The following ATRNL1 variants were observed in gnomAD, a reference collection of about 807,000 sequenced individuals.
ATRNL1 encodes the protein attractin like 1, also known as attractin-like protein 1.
ATRNL1 carries 95 observed loss-of-function variants against 182.7 expected under a neutral mutation model. The observed-to-expected ratio is 0.52, with a 90% CI of 0.44 to 0.62. ATRNL1 has a LOEUF of 0.62. Ranked by LOEUF, ATRNL1 falls within the 20% of genes least tolerant of loss-of-function variation. ATRNL1 has a pLI of 0.00. For synonymous variants in ATRNL1, 576 were observed against 568.3 expected (o/e 1.01, Z -0.19); for missense variants, 1,471 against 1,679.5 (o/e 0.88, Z 2.17).
At chr10:115,905,248 T>C (rs1952466725) in intron 28 of ATRNL1, among the ~76,000 whole-genome samples, 1 of 151,992 alleles carries the variant, frequency 6.6e-6, no homozygotes, top group African/African-American at 2.4e-5. Flanking sequence ...GAAGACAGGG[T>C]CCTACTCTGT....
At chr10:115,438,119 A>G (rs782812068) in intron 21 of ATRNL1, among the ~76,000 whole-genome samples, 7 of 152,034 alleles carry the variant, frequency 4.6e-5, no homozygotes, top group Non-Finnish European at 8.8e-5. Context: ...CACATATAAA[A>G]TTTCAGAAAC....
chr10:115,730,107 A>C (rs1593136591), intron 27 of ATRNL1, among the ~76,000 whole-genome samples: 1 of 151,924 alleles, frequency 6.6e-6, no homozygotes, highest in East Asian at 1.9e-4. Flanking sequence ...AAATACAAAA[A>C]TTAGCTGGGC....
intron 26 of ATRNL1, among the ~76,000 whole-genome samples, chr10:115,575,627 A>G (rs548526812): frequency 1.3e-5 from 2 of 152,194 alleles, no homozygotes; most frequent in Non-Finnish European, 2.9e-5. Flanking sequence ...GCATTTTTGC[A>G]AATATTCTTT....
intron 19 of ATRNL1, among the ~76,000 whole-genome samples, chr10:115,393,492 C>A (rs1292461666): frequency 6.6e-6 from 1 of 152,034 alleles, no homozygotes; most frequent in Non-Finnish European, 1.5e-5. Context: ...AGGAAAAGAC[C>A]ATATCATTTC....
At chr10:115,553,742 T>G (rs912221649) in intron 26 of ATRNL1, among the ~76,000 whole-genome samples, 27 of 151,560 alleles carry the variant, frequency 1.8e-4, no homozygotes, top group African/African-American at 4.6e-4. Context: ...GTTCTTTCCT[T>G]CTATACCTGT....
At chr10:115,733,886 C>G (rs1429077315) in intron 27 of ATRNL1, among the ~76,000 whole-genome samples, 2 of 151,810 alleles carry the variant, frequency 1.3e-5, no homozygotes, top group South Asian at 4.2e-4. Flanking sequence ...ATTTCATTAT[C>G]CCATTACCCA....
chr10:115,806,868 G>C (rs566176647), intron 27 of ATRNL1, among the ~76,000 whole-genome samples: 1 of 152,148 alleles, frequency 6.6e-6, no homozygotes, highest in South Asian at 2.1e-4. Flanking sequence ...ATAGTACCTG[G>C]TATATACAAA....
At chr10:115,894,005 G>A (rs1180326507) in intron 28 of ATRNL1, among the ~76,000 whole-genome samples, 1 of 152,134 alleles carries the variant, frequency 6.6e-6, no homozygotes, top group African/African-American at 2.4e-5. Context: ...ACTTCTACAG[G>A]ATGAGGAAAG....
At chr10:115,535,309 T>C (rs1554989885) in intron 25 of ATRNL1, among the ~76,000 whole-genome samples, 1 of 152,088 alleles carries the variant, frequency 6.6e-6, no homozygotes, top group African/African-American at 2.4e-5. Flanking sequence ...GTTCGTTTCT[T>C]TTTATTCTTT....
chr10:115,376,229 T>A (rs1274299312), intron 19 of ATRNL1, among the ~76,000 whole-genome samples: 1 of 152,168 alleles, frequency 6.6e-6, no homozygotes, highest in African/African-American at 2.4e-5. Flanking sequence ...CTAATGGAGA[T>A]TCCTTGATAT....
At chr10:115,637,792 T>C (rs1369477899) in intron 26 of ATRNL1, among the ~76,000 whole-genome samples, 4 of 151,662 alleles carry the variant, frequency 2.6e-5, no homozygotes, top group Non-Finnish European at 5.9e-5. Flanking sequence ...ACCCAGCTAG[T>C]TTTTGTTTTG....
chr10:115,374,449 T>C (rs1857557391), intron 19 of ATRNL1, among the ~76,000 whole-genome samples: 1 of 128,264 alleles, frequency 7.8e-6, no homozygotes, highest in Admixed American at 8.0e-5. Flanking sequence ...TTCTCCTTCC[T>C]TCCTTTCCTT....
At chr10:115,588,405 C>A (rs1213014370) in intron 26 of ATRNL1, among the ~76,000 whole-genome samples, 2 of 152,144 alleles carry the variant, frequency 1.3e-5, no homozygotes, top group Non-Finnish European at 2.9e-5. Flanking sequence ...TCCTGAGAGA[C>A]CATAGAATGG....
intron 27 of ATRNL1, among the ~76,000 whole-genome samples, chr10:115,767,478 C>T (rs140047127): frequency 1.3e-5 from 2 of 152,182 alleles, no homozygotes; most frequent in Non-Finnish European, 2.9e-5. Context: ...CTTCAGGTCC[C>T]TTCTTGTGAT....
At chr10:115,597,006 C>T (rs1393393724) in intron 26 of ATRNL1, among the ~76,000 whole-genome samples, 6 of 152,000 alleles carry the variant, frequency 3.9e-5, no homozygotes, top group Non-Finnish European at 7.4e-5. Context: ...AAATCCTTCA[C>T]TGTATTGTTA....
At chr10:115,754,454 G>C (rs564109329) in intron 27 of ATRNL1, among the ~76,000 whole-genome samples, 2 of 152,122 alleles carry the variant, frequency 1.3e-5, no homozygotes, top group Admixed American at 1.3e-4. Context: ...TCTTGTTTTT[G>C]TCAGATTTGT....
At chr10:115,345,108 C>A (rs1454580480) in intron 19 of ATRNL1, among the ~76,000 whole-genome samples, 1 of 152,246 alleles carries the variant, frequency 6.6e-6, no homozygotes, top group Non-Finnish European at 1.5e-5. Context: ...ACCCCCTCTG[C>A]TGTCCCAGCA....
Position 115,672,787 on chromosome 10 carries a change from A to G in ATRNL1, c.3796-54461A>G, listed in dbSNP as rs560670434. Among the ~76,000 whole-genome samples, 6 of 152,174 alleles carry G rather than the reference A, an allele frequency of 3.9e-5. No individual in the cohort carries two copies. In the South Asian group the frequency reaches 8.3e-4, roughly 21 times the overall value. On this transcript the variant is annotated intron_variant, in intron 26 of 28. Coordinates refer to ENST00000355044, the MANE Select transcript of ATRNL1 (RefSeq NM_207303.4). ...AAATTATTTTTTATCTCATGTTTCTATCTCATTTGGGGGAAAGAAGAAAAA... is the reference window on the plus strand; with the variant it reads ...AAATTATTTTTTATCTCATGTTTCTGTCTCATTTGGGGGAAAGAAGAAAAA...
At chr10:115,713,474 T>TGTGTGTGTGTTTGTGTGG (rs1555055246) in intron 26 of ATRNL1, among the ~76,000 whole-genome samples, 5 of 151,952 alleles carry the variant, frequency 3.3e-5, no homozygotes, top group African/African-American at 1.2e-4. Flanking sequence ...TGTTTGTGTG[T>TGTGTGTGTGTTTGTGTGG]GTGTCTGTGT....
Sources: gnomAD v4.1 joint callset for allele counts (sites outside exome capture counted in the v4.1 genomes callset) on GRCh38, gnomAD v4.1.1 for gene constraint, MANE v1.5 for transcripts, NCBI Gene and HGNC (gene_info 2026-07-23, HGNC 2026-07-21) for gene names.